The following KCNQ1 variants were observed in gnomAD, a reference collection of about 807,000 sequenced individuals.
KCNQ1 encodes the protein potassium voltage-gated channel subfamily KQT member 1.
A neutral mutation model predicts 72.4 loss-of-function variants in KCNQ1; 49 were observed. That is an observed-to-expected ratio of 0.68 (90% confidence interval 0.54 to 0.86). KCNQ1 has a LOEUF of 0.86. Among genes scored for constraint, KCNQ1 ranks in the 40% least tolerant of loss-of-function variants. The pLI is 0.00. For synonymous variants in KCNQ1, 450 were observed against 412.6 expected, an observed-to-expected ratio of 1.09 and a Z score of -1.10; for missense variants, 790 against 945.1, an observed-to-expected ratio of 0.84 and a Z score of 2.15.
rs1337073239 is a variant in KCNQ1 at position 2,679,592 on chromosome 11, G to A, written c.1514+17511G>A. The A allele has an allele frequency of 2.5e-6, 1 of 398,514 alleles. No individual in the cohort carries two copies. Among genetic ancestry groups the A allele is most frequent in the Admixed American group, 4.4e-5 (1 of 22,718 alleles). The allele number at this position is 398,514 out of a possible 1,614,324, so 24.7% of individuals were successfully genotyped here. A position where few individuals can be genotyped will look rare whatever the true frequency, so the allele number is the denominator to read the frequency against. Reference sequence around the variant, plus strand: ...GCAATTCACAGTGCCTGACAAAGCTGATGGGGAGGCGAGTTGGAATGAATA... The same window carrying A: ...GCAATTCACAGTGCCTGACAAAGCTAATGGGGAGGCGAGTTGGAATGAATA... On this transcript the variant is annotated intron_variant, in intron 11 of 15. Transcript: ENST00000155840. The surrounding 1 kb of genome is among the most constrained non-coding windows in gnomAD (Gnocchi z 4.8).
intron 10 of KCNQ1, chr11:2,646,666 AG>A (rs1200642915): frequency 7.5e-6 from 3 of 398,466 alleles, no homozygotes; most frequent in Non-Finnish European, 1.3e-5. Context: ...GCTGAACTTC[AG>A]GTGCAGGCCA....
chr11:2,465,875 C>T (rs551566927), intron 1 of KCNQ1, among the ~76,000 whole-genome samples: 1 of 152,316 alleles, frequency 6.6e-6, no homozygotes, highest in African/African-American at 2.4e-5. Context: ...GCCTGGCTGG[C>T]AGGCAGGAGC....
intron 1 of KCNQ1, among the ~76,000 whole-genome samples, chr11:2,503,393 A>C (rs1313439388): frequency 6.6e-6 from 1 of 152,110 alleles, no homozygotes; most frequent in African/African-American, 2.4e-5. Flanking sequence ...AAAGAAGACA[A>C]ATGGATGAAA....
chr11:2,538,668 T>C lies in KCNQ1; in HGVS notation c.477+10650T>C, dbSNP rs1205087223. On this transcript the variant is annotated intron_variant, in intron 2 of 15. Transcript: ENST00000155840. This position sits in a 1 kb window ranked among gnomAD's most constrained non-coding sequence, Gnocchi z 6.7. ...CTGGAACCGGAAACTTCCCTGAGTA[T>C]ACGGGGCCTTGTGTGTGGAGGGGCC... 6.6e-6 allele frequency among the ~76,000 whole-genome samples: 1 copy of C among 151,732 alleles called. No individual in the cohort carries two copies. The highest frequency in any genetic ancestry group is 1.5e-5 in the Non-Finnish European group (1 of 67,936).
intron 11 of KCNQ1, chr11:2,692,536 G>C: frequency 2.5e-6 from 1 of 398,786 alleles, no homozygotes. Context: ...TACCACCAGA[G>C]GGCCCTTGGC....
chr11:2,449,874 G>A (rs1189618174), intron 1 of KCNQ1, among the ~76,000 whole-genome samples: 2 of 152,224 alleles, frequency 1.3e-5, no homozygotes, highest in Non-Finnish European at 2.9e-5. Flanking sequence ...ACACGAGCAA[G>A]CGTCCTCGAG....
In KCNQ1 at chr11:2,613,919, A is replaced by C; in HGVS notation, c.1393+25065A>C. ...TTCCCAAAAAAGTACTATTCTGTATATGCCCTTTTGAACTTTGCTTTTCTC... is the reference window on the plus strand; with the variant it reads ...TTCCCAAAAAAGTACTATTCTGTATCTGCCCTTTTGAACTTTGCTTTTCTC... On this transcript the variant is annotated intron_variant, in intron 10 of 15. Transcript: ENST00000155840. The surrounding 1 kb of genome is among the most constrained non-coding windows in gnomAD (Gnocchi z 4.8). The C allele has an allele frequency of 2.5e-6, 1 of 398,588 alleles. No individual in the cohort carries two copies. Among genetic ancestry groups the C allele is most frequent in the Non-Finnish European group, 4.4e-6 (1 of 226,052 alleles). 24.7% of individuals were successfully genotyped at this position (398,588 alleles called of 1,614,324 possible). A position where few individuals can be genotyped will look rare whatever the true frequency, so the allele number is the denominator to read the frequency against.
At chr11:2,721,313 G>T (rs1851198810) in intron 11 of KCNQ1, among the ~76,000 whole-genome samples, 1 of 152,202 alleles carries the variant, frequency 6.6e-6, no homozygotes, top group African/African-American at 2.4e-5. Flanking sequence ...GTCTGCTCGT[G>T]AGGGACCCCC....
At position 2,475,871 on chromosome 11, in the gene KCNQ1, C is replaced by T. The variant is rs2015013; in HGVS notation, c.386+30387C>T. Among the ~76,000 whole-genome samples the T allele has an allele frequency of 0.45, 68,385 of 152,094 alleles. 17,347 individuals carry two copies. The highest frequency in any genetic ancestry group is 0.59 in the Non-Finnish European group (40,122 of 67,986). On this transcript the variant is annotated intron_variant, in intron 1 of 15. Coordinates refer to ENST00000155840, the MANE Select transcript of KCNQ1 (RefSeq NM_000218.3). The surrounding 1 kb of genome is among the most constrained non-coding windows in gnomAD (Gnocchi z 5.8). ...TCCACGTAAGATGGGACTTGGTCCTCCTTGCCTTCCGCCATGATTGTGAGG... is the reference window on the plus strand; with the variant it reads ...TCCACGTAAGATGGGACTTGGTCCTTCTTGCCTTCCGCCATGATTGTGAGG...
At chr11:2,551,265 C>T (rs749282062) in intron 2 of KCNQ1, among the ~76,000 whole-genome samples, 5 of 152,292 alleles carry the variant, frequency 3.3e-5, no homozygotes, top group South Asian at 2.1e-4. Context: ...TACCCACTGG[C>T]GGCTAGCCCC....
chr11:2,804,725 G>A (rs1033877043), intron 15 of KCNQ1, among the ~76,000 whole-genome samples: 6 of 152,210 alleles, frequency 3.9e-5, no homozygotes, highest in Non-Finnish European at 7.3e-5. Flanking sequence ...GGCACAGGAT[G>A]AGCCTTGCAG....
chr11:2,673,588 T>C lies in KCNQ1; in HGVS notation c.1514+11507T>C. 2.5e-6 allele frequency: 1 copy of C among 398,744 alleles called. No homozygotes were observed. The highest frequency in any genetic ancestry group is 4.4e-6 in the Non-Finnish European group (1 of 226,144). The allele number at this position is 398,744 out of a possible 1,614,324, so 24.7% of individuals were successfully genotyped here. A position where few individuals can be genotyped will look rare whatever the true frequency, so the allele number is the denominator to read the frequency against. On this transcript the variant is annotated intron_variant, in intron 11 of 15. Transcript: ENST00000155840. This position sits in a 1 kb window ranked among gnomAD's most constrained non-coding sequence, Gnocchi z 4.5. ...AGGTGGAAGACCCTATTACTTGGGC[T>C]AAAGAGAAGCTAAACGTGACCAGCC...
chr11:2,630,657 ATATT>A (rs879697310), intron 10 of KCNQ1: 36 of 398,256 alleles, frequency 9.0e-5, no homozygotes, highest in African/African-American at 4.3e-4. Context: ...AGTTGCCCGT[ATATT>A]TATTTATCAG....
At position 2,497,308 on chromosome 11, in the gene KCNQ1, A is replaced by G. The variant is rs531314009; in HGVS notation, c.387-30620A>G. 2.0e-5 allele frequency among the ~76,000 whole-genome samples: 3 copies of G among 152,056 alleles called. No homozygotes were observed. Among genetic ancestry groups the G allele is most frequent in the African/African-American group, 4.8e-5 (2 of 41,398 alleles). On this transcript the variant is annotated intron_variant, in intron 1 of 15. Coordinates refer to ENST00000155840, the MANE Select transcript of KCNQ1 (RefSeq NM_000218.3). This position sits in a 1 kb window ranked among gnomAD's most constrained non-coding sequence, Gnocchi z 4.5. Reference sequence around the variant, plus strand: ...CCGTCACTTTCAGGTACAGCAATCAATTGTAGGTTTGGTCTTTTCATATAG... The same window carrying G: ...CCGTCACTTTCAGGTACAGCAATCAGTTGTAGGTTTGGTCTTTTCATATAG...
In KCNQ1 at chr11:2,621,452, G is replaced by A; in HGVS notation, c.1393+32598G>A. On this transcript the variant is annotated intron_variant, in intron 10 of 15. Coordinates refer to ENST00000155840, the MANE Select transcript of KCNQ1 (RefSeq NM_000218.3). This position sits in a 1 kb window ranked among gnomAD's most constrained non-coding sequence, Gnocchi z 5.7. ...TATGGATTCTGGACATAGGACCTTT[G>A]CCAGATGAATAGTTTGCAAATATTT... is the stretch of plus-strand genomic sequence containing the variant. 1 of 398,504 alleles carries A rather than the reference G, an allele frequency of 2.5e-6. No individual in the cohort carries two copies. 24.7% of individuals were successfully genotyped at this position (398,504 alleles called of 1,614,324 possible). A position where few individuals can be genotyped will look rare whatever the true frequency, so the allele number is the denominator to read the frequency against.
At chr11:2,571,558 G>A (rs1300541743) in intron 4 of KCNQ1, among the ~76,000 whole-genome samples, 155 bp downstream of exon 4, 4 of 152,148 alleles carry the variant, frequency 2.6e-5, no homozygotes, top group Non-Finnish European at 4.4e-5. Context: ...GCTGGGATGG[G>A]TGGAGCAGGG....
Position 2,659,662 on chromosome 11 carries a change from G to T in KCNQ1, c.1394-2299G>T, listed in dbSNP as rs1291440604. On this transcript the variant is annotated intron_variant, in intron 10 of 15. Transcript: ENST00000155840. The surrounding 1 kb of genome is among the most constrained non-coding windows in gnomAD (Gnocchi z 4.3). ...GGTATGTGTATGTTTAACTTAATAA[G>T]AAATTGCTAAACTATTTCCTAAAGT... is the stretch of plus-strand genomic sequence containing the variant. 2.5e-5 allele frequency: 10 copies of T among 398,366 alleles called. No individual in the cohort carries two copies. The highest frequency in any genetic ancestry group is 4.4e-5 in the Non-Finnish European group (10 of 226,012). The allele number at this position is 398,366 out of a possible 1,614,324, so 24.7% of individuals were successfully genotyped here.
At chr11:2,474,986 A>T (rs931257018) in intron 1 of KCNQ1, among the ~76,000 whole-genome samples, 1 of 152,196 alleles carries the variant, frequency 6.6e-6, no homozygotes, top group African/African-American at 2.4e-5. Flanking sequence ...GCATTTGTGC[A>T]TTGTTTGTGT....
chr11:2,838,672 T>C (rs1231749709), intron 15 of KCNQ1, among the ~76,000 whole-genome samples: 1 of 152,076 alleles, frequency 6.6e-6, no homozygotes, highest in Non-Finnish European at 1.5e-5. Flanking sequence ...GCAGGGCCGA[T>C]GTGGGCAGAC....
Sources: allele counts gnomAD v4.1 joint callset (sites outside exome capture counted in the v4.1 genomes callset), GRCh38; gene constraint gnomAD v4.1.1; non-coding constraint Gnocchi (gnomAD v3.1); transcripts MANE v1.5; gene names NCBI Gene and HGNC (gene_info 2026-07-23, HGNC 2026-07-21).